The following PCDHA4 variants were observed in gnomAD, a reference collection of about 807,000 sequenced individuals.
PCDHA4 encodes the protein protocadherin alpha-4.
A neutral mutation model predicts 61.4 loss-of-function variants in PCDHA4; 49 were observed. The ratio of observed to expected loss-of-function variants is 0.80; its 90% CI spans 0.63 to 1.01. PCDHA4 has a LOEUF of 1.01. Among genes scored for constraint, PCDHA4 ranks in the 50% least tolerant of loss-of-function variants. The probability of loss-of-function intolerance (pLI) is 0.00; values close to 1 mark genes in which losing one functional copy is unlikely to be tolerated. For missense variants in PCDHA4, 1,254 were observed against 1,235.8 expected, an observed-to-expected ratio of 1.01 and a Z score of -0.22; for synonymous variants, 590 against 550.3, an observed-to-expected ratio of 1.07 and a Z score of -1.01.
At chr5:140,998,754 C>T (rs2097832847) in intron 3 of PCDHA4, among the ~76,000 whole-genome samples, 1 of 152,056 alleles carries the variant, frequency 6.6e-6, no homozygotes, top group African/African-American at 2.4e-5. Context: ...AGAAGAGACA[C>T]AGTTTCACTA....
chr5:140,876,567 G>T (rs782286416), intron 1 of PCDHA4: 90 of 1,614,068 alleles, frequency 5.6e-5, no homozygotes, highest in Non-Finnish European at 6.3e-5. Context: ...ATGCTCAGGT[G>T]GGTACCGTCA....
chr5:140,902,209 T>C (rs1583451921), intron 1 of PCDHA4, among the ~76,000 whole-genome samples: 2 of 150,148 alleles, frequency 1.3e-5, no homozygotes, highest in African/African-American at 4.9e-5. Context: ...CTTTCTTTTT[T>C]TTTTTTTTTT....
chr5:140,851,773 T>C lies in PCDHA4; in HGVS notation c.2385+42201T>C. On this transcript the variant is annotated intron_variant, in intron 1 of 3. Transcript: ENST00000530339. ...TAACTTAAAACATTACCCTTATGAA[T>C]TTAGATGAGAATTCACTTGTTCTGT... 11 of 967,796 alleles carry C rather than the reference T, an allele frequency of 1.1e-5. 2 individuals carry two copies. The highest frequency in any genetic ancestry group is 1.4e-5 in the Non-Finnish European group (11 of 800,744). The allele number at this position is 967,796 out of a possible 1,614,324, so 60.0% of individuals were successfully genotyped here.
At chr5:140,861,707 G>T (rs1181948705) in intron 1 of PCDHA4, 1 of 218,782 alleles carries the variant, frequency 4.6e-6, no homozygotes, top group African/African-American at 2.3e-5. Context: ...TGATGCCGAC[G>T]TCGGGGCCAA....
intron 1 of PCDHA4, chr5:140,822,177 A>C: frequency 1.2e-6 from 2 of 1,614,280 alleles, no homozygotes; most frequent in Non-Finnish European, 1.7e-6. Flanking sequence ...GGTTCTCCAG[A>C]CAAGAACAAA....
Position 140,807,145 on chromosome 5 carries a change from T to A in PCDHA4, c.-43T>A, listed in dbSNP as rs782616885. The A allele has an allele frequency of 2.5e-6, 4 of 1,574,718 alleles. No individual in the cohort carries two copies. Among genetic ancestry groups the A allele is most frequent in the Non-Finnish European group, 8.6e-7 (1 of 1,159,618 alleles). The stretch of plus-strand genomic sequence containing the variant: ...CCGATTAAAAGATTTCCCTTGACTT[T>A]GAGAAACGATATTTAATCAGAACAA... On this transcript the variant is annotated 5_prime_UTR_variant, in exon 1 of 4. Coordinates refer to ENST00000530339, the MANE Select transcript of PCDHA4 (RefSeq NM_018907.4).
At chr5:140,869,521 C>G (rs782236624) in intron 1 of PCDHA4, 1 of 1,614,182 alleles carries the variant, frequency 6.2e-7, no homozygotes, top group Non-Finnish European at 8.5e-7. Context: ...AGAACAAAAG[C>G]TGCTGATTGC....
chr5:140,852,717 C>T lies in PCDHA4; in HGVS notation c.2385+43145C>T, dbSNP rs2042449102. ...ACTTTCAAGTATCTTTGTCTTTGCA[C>T]GTTTTTCAAGTTTCATGTGCCATTT... is the stretch of plus-strand genomic sequence containing the variant. On this transcript the variant is annotated intron_variant, in intron 1 of 3. Transcript: ENST00000530339. 6 of 981,714 alleles carry T rather than the reference C, an allele frequency of 6.1e-6. 2 individuals carry two copies. Among genetic ancestry groups the T allele is most frequent in the Non-Finnish European group, 7.4e-6 (6 of 814,360 alleles). 60.8% of individuals were successfully genotyped at this position (981,714 alleles called of 1,614,324 possible).
At chr5:140,869,882 T>C (rs1181573683) in intron 1 of PCDHA4, 1 of 1,610,250 alleles carries the variant, frequency 6.2e-7, no homozygotes, top group African/African-American at 1.3e-5. Flanking sequence ...AAAGAAACTC[T>C]TGTGCTCAAA....
Position 140,980,736 on chromosome 5 carries a change from A to G in PCDHA4, c.2444+1729A>G, listed in dbSNP as rs1014210313. 6.6e-5 allele frequency among the ~76,000 whole-genome samples: 10 copies of G among 152,312 alleles called. No individual in the cohort carries two copies. The East Asian group carries it at 1.9e-3, about 29-fold the overall frequency. ...TTCGGGTTTCAATTAAGATATTATG[A>G]GATTTGAGTAGGGTAAGAAATAAAA... On this transcript the variant is annotated intron_variant, in intron 2 of 3. Transcript: ENST00000530339.
At chr5:140,957,780 G>A (rs2095383354) in intron 1 of PCDHA4, among the ~76,000 whole-genome samples, 1 of 152,020 alleles carries the variant, frequency 6.6e-6, no homozygotes, top group Non-Finnish European at 1.5e-5. Context: ...TAAAAACTAA[G>A]TTCATCATAT....
intron 1 of PCDHA4, chr5:140,969,531 A>G: frequency 7.4e-7 from 1 of 1,356,026 alleles, no homozygotes; most frequent in South Asian, 1.6e-5. Context: ...TTTATTTTTC[A>G]TTTTCAGAGG....
chr5:140,928,280 C>A, intron 1 of PCDHA4: 1 of 1,614,194 alleles, frequency 6.2e-7, no homozygotes, highest in Non-Finnish European at 8.5e-7. Context: ...CCTGGGGCCT[C>A]TCTAGGCCGA....
At chr5:140,877,340 A>G (rs782755927) in intron 1 of PCDHA4, 9 of 1,613,820 alleles carry the variant, frequency 5.6e-6, no homozygotes, top group Admixed American at 1.7e-5. Context: ...ATCCCGTTCC[A>G]CGTGGGGCTG....
At chr5:140,818,623 G>T (rs970158676) in intron 1 of PCDHA4, among the ~76,000 whole-genome samples, 1 of 152,122 alleles carries the variant, frequency 6.6e-6, no homozygotes, top group Admixed American at 6.5e-5. Context: ...GATTGCTTGA[G>T]CCCAGGAGTT....
intron 1 of PCDHA4, among the ~76,000 whole-genome samples, chr5:140,899,594 G>A (rs1583347259): frequency 1.3e-5 from 2 of 152,238 alleles, no homozygotes; most frequent in Non-Finnish European, 2.9e-5. Flanking sequence ...GTATTTTATT[G>A]AGGACTTTTG....
At chr5:140,969,522 T>C in intron 1 of PCDHA4, 5 of 1,397,290 alleles carry the variant, frequency 3.6e-6, no homozygotes, top group Non-Finnish European at 4.7e-6. Context: ...AAGAATTGTT[T>C]TATTTTTCAT....
intron 3 of PCDHA4, among the ~76,000 whole-genome samples, chr5:141,003,915 C>T (rs2153979429): frequency 6.6e-6 from 1 of 152,298 alleles, no homozygotes; most frequent in African/African-American, 2.4e-5. Context: ...GTCTTGACTG[C>T]ATCCTCAGTC....
chr5:140,987,106 C>T (rs113308102), intron 3 of PCDHA4, among the ~76,000 whole-genome samples: 4,830 of 151,440 alleles, frequency 0.032, 263 homozygotes, highest in African/African-American at 0.11. Context: ...CCCAGCTACT[C>T]GGGAGGCTGA....
Sources: gnomAD v4.1 joint callset for allele counts (sites outside exome capture counted in the v4.1 genomes callset) on GRCh38, gnomAD v4.1.1 for gene constraint, MANE v1.5 for transcripts, NCBI Gene and HGNC (gene_info 2026-07-23, HGNC 2026-07-21) for gene names.